CRACR2A: variants seen among roughly 807,000 people sequenced by gnomAD.
CRACR2A encodes EF-hand calcium-binding domain-containing protein 4B.
CRACR2A carries 79 observed loss-of-function variants against 90.5 expected under a neutral mutation model. That is an observed-to-expected ratio of 0.87 (90% CI 0.73 to 1.05). The LOEUF (loss-of-function observed/expected upper bound fraction) is 1.05. CRACR2A is among the 50% of genes least tolerant of loss of function. The probability of loss-of-function intolerance (pLI) is 0.00; values close to 1 mark genes in which losing one functional copy is unlikely to be tolerated. For missense variants in CRACR2A, 823 were observed against 897.2 expected (o/e 0.92, Z 1.06); for synonymous variants, 338 against 356.7 (o/e 0.95, Z 0.59).
rs1249421121 is a variant in CRACR2A at position 3,746,701 on chromosome 12, C to T, written c.-387+6314G>A. Among the ~76,000 whole-genome samples the T allele has an allele frequency of 2.6e-5, 4 of 152,232 alleles. No homozygotes were observed. The highest frequency in any genetic ancestry group is 2.1e-4 in the South Asian group (1 of 4,834). Reference sequence around the variant, plus strand: ...GACCCCCTGCAGGACCCTTTGCTGGCACAGCAGGGACTTAGCATGCATGGA... The same window carrying T: ...GACCCCCTGCAGGACCCTTTGCTGGTACAGCAGGGACTTAGCATGCATGGA... On this transcript the variant is annotated intron_variant, in intron 1 of 19. Coordinates refer to ENST00000440314, the MANE Select transcript of CRACR2A (RefSeq NM_001144958.2). This position sits in a 1 kb window ranked among gnomAD's most constrained non-coding sequence, Gnocchi z 4.4.
intron 5 of CRACR2A, 88 bp from the exon 6 acceptor site, chr12:3,679,186 G>T: frequency 7.7e-7 from 1 of 1,293,528 alleles, no homozygotes; most frequent in Non-Finnish European, 1.0e-6. Context: ...ATCATTGAAG[G>T]TTCATCTGAG....
chr12:3,723,260 A>G (rs1194744296), intron 2 of CRACR2A, among the ~76,000 whole-genome samples: 2 of 152,034 alleles, frequency 1.3e-5, no homozygotes, highest in Non-Finnish European at 2.9e-5. Flanking sequence ...GGTTGGAGCT[A>G]TGTGTGGACC....
intron 2 of CRACR2A, among the ~76,000 whole-genome samples, chr12:3,722,691 G>A (rs1354796901): frequency 6.6e-6 from 1 of 152,190 alleles, no homozygotes; most frequent in Non-Finnish European, 1.5e-5. Flanking sequence ...GCTACCAGAA[G>A]TAGGATTTGT....
At chr12:3,640,248 C>A (rs1054140323) in intron 13 of CRACR2A, 5 of 164,626 alleles carry the variant, frequency 3.0e-5, no homozygotes, top group African/African-American at 4.8e-5. Context: ...TCAGGGCTCA[C>A]AATTTGTTGC....
In CRACR2A at chr12:3,633,616, C is replaced by A. The variant is rs1399662849; in HGVS notation, c.1723G>T (p.Ala575Ser). 6.4e-7 allele frequency: 1 copy of A among 1,551,588 alleles called. No individual in the cohort carries two copies. The highest frequency in any genetic ancestry group is 1.4e-5 in the African/African-American group (1 of 73,038). ...GATGAGAACTCACCCACAGTGGCCG[C>A]CATGCCTGGGGAGAACCGGTCCTCA... The part of the protein sequence containing the change: ...FCEDRFSPGM[A>S]ATVGIDYRVK... Residue 575 changes from alanine to serine, a missense_variant, in exon 15 of 20, where the codon GCG becomes TCG. By Grantham distance (99) the Ala-to-Ser change is moderately conservative. Transcript: ENST00000440314. This position sits in a 1 kb window ranked among gnomAD's most constrained non-coding sequence, Gnocchi z 4.5.
At chr12:3,657,974 C>T (rs948981761) in intron 8 of CRACR2A, among the ~76,000 whole-genome samples, 3 of 152,186 alleles carry the variant, frequency 2.0e-5, no homozygotes, top group African/African-American at 4.8e-5. Flanking sequence ...GAAACTGTAG[C>T]ACCACTATCC....
intron 10 of CRACR2A, among the ~76,000 whole-genome samples, chr12:3,653,943 C>A (rs778001875): frequency 6.6e-6 from 1 of 152,156 alleles, no homozygotes; most frequent in South Asian, 2.1e-4. Context: ...TATTTGTTTG[C>A]GGAATAACAT....
At chr12:3,745,116 A>G (rs1946590297) in intron 1 of CRACR2A, among the ~76,000 whole-genome samples, 1 of 152,064 alleles carries the variant, frequency 6.6e-6, no homozygotes, top group Non-Finnish European at 1.5e-5. Flanking sequence ...ATGCACCCAG[A>G]TGCCACACCA....
At chr12:3,747,330 C>T (rs1279076451) in intron 1 of CRACR2A, among the ~76,000 whole-genome samples, 1 of 152,228 alleles carries the variant, frequency 6.6e-6, no homozygotes, top group Non-Finnish European at 1.5e-5. Flanking sequence ...GCCAAACTCT[C>T]AGCCATGCCC....
chr12:3,711,008 A>G lies in CRACR2A; in HGVS notation c.-37+2229T>C, dbSNP rs1355437043. 6.6e-6 allele frequency among the ~76,000 whole-genome samples: 1 copy of G among 152,196 alleles called. No individual in the cohort carries two copies. The highest frequency in any genetic ancestry group is 2.4e-5 in the African/African-American group (1 of 41,452). ...TTTCCCCAACTCATGTCCTTCTCACATGCAAAATACACTCGTTCCATTCCA... is the reference window on the plus strand; with the variant it reads ...TTTCCCCAACTCATGTCCTTCTCACGTGCAAAATACACTCGTTCCATTCCA... On this transcript the variant is annotated intron_variant, in intron 3 of 19. Transcript: ENST00000440314. The surrounding 1 kb of genome is among the most constrained non-coding windows in gnomAD (Gnocchi z 4.3).
chr12:3,656,343 C>A lies in CRACR2A; in HGVS notation c.826G>T (p.Glu276Ter). 6.2e-7 allele frequency: 1 copy of A among 1,614,132 alleles called. No homozygotes were observed. The highest frequency in any genetic ancestry group is 1.7e-4 in the Middle Eastern group (1 of 6,056). Residue 276 changes from glutamate (E) to a stop codon, truncating the protein, a stop_gained, in exon 9 of 20, where the codon GAG (glutamate) becomes TAG (stop). Transcript: ENST00000440314. LOFTEE classifies it high-confidence loss of function. ...TGCTTCTGGGTGAGCTGCTCCAGCT[C>A]CTGCTCCTTACATAACAGTTTCTGC... ...LEQKLLCKEQ[E>*]LEQLTQKQKR...
At chr12:3,729,274 C>G (rs899698773) in intron 2 of CRACR2A, 1 of 152,182 alleles carries the variant, frequency 6.6e-6, no homozygotes, top group Non-Finnish European at 1.5e-5. Context: ...GCATTGTCAC[C>G]CACCTTTTTT....
At chr12:3,654,698 C>T (rs554609219) in intron 9 of CRACR2A, among the ~76,000 whole-genome samples, 1 of 152,346 alleles carries the variant, frequency 6.6e-6, no homozygotes, top group South Asian at 2.1e-4. Context: ...TTCCACAATC[C>T]GTCTGTGTGA....
chr12:3,678,796 A>T, intron 6 of CRACR2A, 119 bp downstream of exon 6: 1 of 1,148,056 alleles, frequency 8.7e-7, no homozygotes, highest in Non-Finnish European at 1.2e-6. Context: ...CTTTACCTGC[A>T]CTGCATTCCA....
intron 18 of CRACR2A, among the ~76,000 whole-genome samples, chr12:3,618,598 G>A (rs1401454699): frequency 1.3e-5 from 2 of 152,112 alleles, no homozygotes; most frequent in South Asian, 2.1e-4. Context: ...CTCATGAAAC[G>A]CTGTTTAGGA....
At chr12:3,629,855 G>GC (rs1351571475) in intron 15 of CRACR2A, among the ~76,000 whole-genome samples, 1 of 150,996 alleles carries the variant, frequency 6.6e-6, no homozygotes, top group Non-Finnish European at 1.5e-5. Context: ...ACAAGGGGGG[G>GC]GGGGGATGAA....
chr12:3,642,635 A>C (rs571175922), intron 12 of CRACR2A, among the ~76,000 whole-genome samples: 1 of 152,364 alleles, frequency 6.6e-6, no homozygotes, highest in East Asian at 1.9e-4. Flanking sequence ...TGAGAAAGTA[A>C]CTAGCCAGGA....
At chr12:3,727,810 T>G (rs780064990) in intron 2 of CRACR2A, 1 of 152,068 alleles carries the variant, frequency 6.6e-6, no homozygotes, top group Non-Finnish European at 1.5e-5. Context: ...ATGGGTTAAT[T>G]AGAACCCCAA....
At chr12:3,665,413 C>T (rs1335225364) in intron 7 of CRACR2A, among the ~76,000 whole-genome samples, 1 of 152,142 alleles carries the variant, frequency 6.6e-6, no homozygotes, top group Non-Finnish European at 1.5e-5. Flanking sequence ...ACTTTCTGGC[C>T]TTGGATAAGT....
Sources: allele counts gnomAD v4.1 joint callset (sites outside exome capture counted in the v4.1 genomes callset), GRCh38; gene constraint gnomAD v4.1.1; non-coding constraint Gnocchi (gnomAD v3.1); transcripts MANE v1.5; gene names NCBI Gene and HGNC (gene_info 2026-07-23, HGNC 2026-07-21).